The following PPP3CA variants were observed in gnomAD, a reference collection of about 807,000 sequenced individuals.
The protein encoded by PPP3CA is protein phosphatase 3 catalytic subunit alpha, also known as CAM-PRP catalytic subunit.
In PPP3CA, 14 loss-of-function variants were observed where a neutral mutation model predicts 66.5. The ratio of observed to expected loss-of-function variants is 0.21; its 90% CI spans 0.14 to 0.33. PPP3CA has a LOEUF of 0.33. Ranked by LOEUF, PPP3CA falls within the 10% of genes least tolerant of loss-of-function variation. PPP3CA has a pLI of 1.00. For missense variants in PPP3CA, 317 were observed against 639.5 expected, an observed-to-expected ratio of 0.50 and a Z score of 5.44; for synonymous variants, 232 against 226.2, an observed-to-expected ratio of 1.03 and a Z score of -0.23.
At chr4:101,116,708 C>G (rs911751987) in intron 2 of PPP3CA, among the ~76,000 whole-genome samples, 11 of 151,956 alleles carry the variant, frequency 7.2e-5, no homozygotes, top group African/African-American at 2.6e-4. Context: ...ATCTAGAAAT[C>G]TGTATCATAA....
intron 6 of PPP3CA, among the ~76,000 whole-genome samples, chr4:101,093,518 C>T (rs1163864408): frequency 6.6e-6 from 1 of 151,868 alleles, no homozygotes; most frequent in Non-Finnish European, 1.5e-5. Context: ...TGCTTTATTG[C>T]AATATTTGCT....
intron 11 of PPP3CA, among the ~76,000 whole-genome samples, chr4:101,033,292 AAACACACACAC>A (rs1727088002): frequency 9.1e-5 from 8 of 88,180 alleles, no homozygotes; most frequent in African/African-American, 1.3e-4. Context: ...ACACACACAC[AAACACACACAC>A]ACACACACAC....
At chr4:101,139,058 A>C (rs917074707) in intron 2 of PPP3CA, among the ~76,000 whole-genome samples, 1 of 152,128 alleles carries the variant, frequency 6.6e-6, no homozygotes, top group East Asian at 1.9e-4. Flanking sequence ...AGTTTAAGGA[A>C]ACTAGGCCGG....
intron 3 of PPP3CA, among the ~76,000 whole-genome samples, chr4:101,106,968 T>G (rs1730782083): frequency 6.6e-6 from 1 of 152,202 alleles, no homozygotes; most frequent in African/African-American, 2.4e-5. Context: ...GTAGGGGTTT[T>G]GTTTTGTTGT....
chr4:101,243,385 C>T (rs1264121558), intron 1 of PPP3CA, among the ~76,000 whole-genome samples: 1 of 152,090 alleles, frequency 6.6e-6, no homozygotes, highest in African/African-American at 2.4e-5. Context: ...CAGGGAGTTA[C>T]AGACTGGGGC....
intron 1 of PPP3CA, among the ~76,000 whole-genome samples, chr4:101,272,605 C>T (rs1462004412): frequency 6.6e-6 from 1 of 152,194 alleles, no homozygotes; most frequent in African/African-American, 2.4e-5. Flanking sequence ...AGTCAGACAA[C>T]CTCAGTTCCT....
At position 101,109,097 on chromosome 4, in the gene PPP3CA, ATT is replaced by A; in HGVS notation, c.260-21_260-20del. The A allele has an allele frequency of 1.9e-6, 3 of 1,608,978 alleles. No homozygotes were observed. The highest frequency in any genetic ancestry group is 2.6e-6 in the Non-Finnish European group (3 of 1,175,842). ...CCACAAACTGAAAGAAACAAAATTC[ATT>A]TTATGGTCATATTATGTTAGGACTT... On this transcript the variant is annotated intron_variant, in intron 2 of 13. Coordinates refer to ENST00000394854, the MANE Select transcript of PPP3CA (RefSeq NM_000944.5).
Position 101,025,607 on chromosome 4 carries a change from A to T in PPP3CA, c.*258T>A, listed in dbSNP as rs547582801. 4.2e-5 allele frequency: 14 copies of T among 330,150 alleles called. No individual in the cohort carries two copies. Among genetic ancestry groups the T allele is most frequent in the Non-Finnish European group, 6.6e-5 (12 of 182,478 alleles). The allele number at this position is 330,150 out of a possible 1,614,324, so 20.5% of individuals were successfully genotyped here. ...TACTAGCATTAGCTTTCTTTTTAAAATTTTTTTTCTCTATAAGCATTTTTA... is the reference window on the plus strand; with the variant it reads ...TACTAGCATTAGCTTTCTTTTTAAATTTTTTTTTCTCTATAAGCATTTTTA... On this transcript the variant is annotated 3_prime_UTR_variant, in exon 14 of 14. Transcript: ENST00000394854.
intron 1 of PPP3CA, among the ~76,000 whole-genome samples, chr4:101,323,999 G>C (rs1277955900): frequency 6.6e-6 from 1 of 152,070 alleles, no homozygotes; most frequent in Non-Finnish European, 1.5e-5. Context: ...TGTAATCCCA[G>C]CTACTCAGAA....
At chr4:101,030,324 G>A (rs1399857291) in intron 12 of PPP3CA, among the ~76,000 whole-genome samples, 5 of 152,058 alleles carry the variant, frequency 3.3e-5, no homozygotes, top group African/African-American at 1.2e-4. Context: ...CTTACTTACG[G>A]TGGATTCGAG....
At chr4:101,338,244 T>C (rs1252036657) in intron 1 of PPP3CA, among the ~76,000 whole-genome samples, 4 of 152,218 alleles carry the variant, frequency 2.6e-5, no homozygotes, top group African/African-American at 9.6e-5. Flanking sequence ...TGCTTCTGCA[T>C]GCTGGCTACC....
intron 1 of PPP3CA, among the ~76,000 whole-genome samples, chr4:101,281,107 T>A (rs1017409924): frequency 6.6e-5 from 10 of 152,116 alleles, no homozygotes; most frequent in Non-Finnish European, 1.2e-4. Flanking sequence ...TAAGTCAAAT[T>A]AGATGAGCCT....
At chr4:101,093,358 G>A (rs1443964298) in intron 6 of PPP3CA, among the ~76,000 whole-genome samples, 1 of 151,610 alleles carries the variant, frequency 6.6e-6, no homozygotes, top group Non-Finnish European at 1.5e-5. Context: ...AGATGATCAT[G>A]AGCATTGTTT....
intron 3 of PPP3CA, among the ~76,000 whole-genome samples, chr4:101,104,549 A>G (rs1730576452): frequency 6.6e-6 from 1 of 152,102 alleles, no homozygotes; most frequent in Non-Finnish European, 1.5e-5. Context: ...GAATCCCAGC[A>G]CTGCCATTTA....
intron 1 of PPP3CA, among the ~76,000 whole-genome samples, chr4:101,268,216 TGAA>T (rs1333894563): frequency 6.6e-6 from 1 of 151,944 alleles, no homozygotes; most frequent in Non-Finnish European, 1.5e-5. Flanking sequence ...AAAATCAATA[TGAA>T]GAAGAAAAAT....
At chr4:101,115,873 T>C (rs1007143116) in intron 2 of PPP3CA, among the ~76,000 whole-genome samples, 1 of 151,956 alleles carries the variant, frequency 6.6e-6, no homozygotes, top group Admixed American at 6.6e-5. Flanking sequence ...TAATATCATA[T>C]AATTTCATGT....
intron 3 of PPP3CA, among the ~76,000 whole-genome samples, chr4:101,101,807 G>A (rs1414546335): frequency 1.3e-5 from 2 of 152,106 alleles, no homozygotes; most frequent in African/African-American, 4.8e-5. Flanking sequence ...TTTTGGAAAT[G>A]TCATTATAAT....
intron 1 of PPP3CA, among the ~76,000 whole-genome samples, chr4:101,270,325 C>T (rs1727298189): frequency 6.6e-6 from 1 of 151,932 alleles, no homozygotes; most frequent in Non-Finnish European, 1.5e-5. Flanking sequence ...CAATCTATTA[C>T]TCTATCACAA....
rs994855580 is a variant in PPP3CA at position 101,340,169 on chromosome 4, T to G, written c.58+6570A>C. Among the ~76,000 whole-genome samples, 3 of 152,170 alleles carry G rather than the reference T, an allele frequency of 2.0e-5. No individual in the cohort carries two copies. The East Asian group carries it at 5.8e-4, about 29-fold the overall frequency. ...GCTTTTATAAATCCCTGATATCTAT[T>G]TGTTTCCCTCTTTTGCAGACAGACA... On this transcript the variant is annotated intron_variant, in intron 1 of 13. Coordinates refer to ENST00000394854, the MANE Select transcript of PPP3CA (RefSeq NM_000944.5).
Sources: gnomAD v4.1 joint callset for allele counts (sites outside exome capture counted in the v4.1 genomes callset) on GRCh38, gnomAD v4.1.1 for gene constraint, MANE v1.5 for transcripts, NCBI Gene and HGNC (gene_info 2026-07-23, HGNC 2026-07-21) for gene names.